The following MAGI1 variants were observed in gnomAD, a reference collection of about 807,000 sequenced individuals.
MAGI1 encodes the protein membrane-associated guanylate kinase, WW and PDZ domain-containing protein 1.
In MAGI1, 58 loss-of-function variants were observed where a neutral mutation model predicts 139.9. The ratio of observed to expected loss-of-function variants is 0.41; its 90% CI spans 0.34 to 0.52. MAGI1 has a LOEUF of 0.52. Ranked by LOEUF, MAGI1 falls within the 20% of genes least tolerant of loss-of-function variation. The pLI, the probability that MAGI1 is intolerant of heterozygous loss-of-function variation, is 0.12. For synonymous variants in MAGI1, 812 were observed against 737.9 expected, an observed-to-expected ratio of 1.10 and a Z score of -1.63; for missense variants, 1,874 against 1,901.6, an observed-to-expected ratio of 0.99 and a Z score of 0.27.
chr3:65,492,383 T>G (rs747866225), intron 3 of MAGI1, among the ~76,000 whole-genome samples: 5 of 152,284 alleles, frequency 3.3e-5, no homozygotes, highest in Non-Finnish European at 5.9e-5. Flanking sequence ...TCCATGTCAT[T>G]CGACTCAGCA....
chr3:65,936,658 A>T (rs1055505571), intron 1 of MAGI1, among the ~76,000 whole-genome samples: 1 of 152,002 alleles, frequency 6.6e-6, no homozygotes, highest in African/African-American at 2.4e-5. Context: ...GGTACATTTT[A>T]ATATGTTAGT....
chr3:65,853,169 GAA>G (rs71102885), intron 1 of MAGI1, among the ~76,000 whole-genome samples: 3 of 140,416 alleles, frequency 2.1e-5, no homozygotes, highest in African/African-American at 5.2e-5. Flanking sequence ...TCCGTCTCAA[GAA>G]AAAAAAAAAA....
At chr3:65,857,570 C>T (rs1168872428) in intron 1 of MAGI1, among the ~76,000 whole-genome samples, 1 of 152,248 alleles carries the variant, frequency 6.6e-6, no homozygotes, top group East Asian at 1.9e-4. Context: ...GCTCAGGCTG[C>T]CTTGGTAGAG....
intron 1 of MAGI1, among the ~76,000 whole-genome samples, chr3:65,861,992 C>T (rs2059571199): frequency 6.6e-6 from 1 of 152,174 alleles, no homozygotes; most frequent in African/African-American, 2.4e-5. Context: ...CATGCCCTGT[C>T]TCTCTAATTG....
chr3:65,969,382 A>G (rs1322623576), intron 1 of MAGI1, among the ~76,000 whole-genome samples: 1 of 152,142 alleles, frequency 6.6e-6, no homozygotes, highest in Admixed American at 6.6e-5. Flanking sequence ...TGCATTGTAG[A>G]ATGTTTATCA....
intron 2 of MAGI1, among the ~76,000 whole-genome samples, chr3:65,561,630 G>C (rs1393771786): frequency 6.6e-6 from 1 of 152,112 alleles, no homozygotes; most frequent in Non-Finnish European, 1.5e-5. Flanking sequence ...CTGAAAAGGA[G>C]TTTTAGAAAT....
intron 1 of MAGI1, among the ~76,000 whole-genome samples, chr3:65,709,750 C>T (rs1211132100): frequency 2.0e-5 from 3 of 152,316 alleles, no homozygotes; most frequent in East Asian, 3.9e-4. Flanking sequence ...CACGTTTTCA[C>T]GTTGCATTTG....
chr3:65,977,277 C>A (rs966334194), intron 1 of MAGI1, among the ~76,000 whole-genome samples: 1 of 152,148 alleles, frequency 6.6e-6, no homozygotes, highest in African/African-American at 2.4e-5. Context: ...GTCACTGTCA[C>A]CCTCAACCTA....
chr3:65,922,305 T>C (rs902998704), intron 1 of MAGI1, among the ~76,000 whole-genome samples: 1 of 152,172 alleles, frequency 6.6e-6, no homozygotes, highest in Non-Finnish European at 1.5e-5. Flanking sequence ...TGGAACCACA[T>C]GTGACCCTAT....
chr3:65,937,457 C>G (rs2063118618), intron 1 of MAGI1, among the ~76,000 whole-genome samples: 1 of 152,080 alleles, frequency 6.6e-6, no homozygotes, highest in South Asian at 2.1e-4. Flanking sequence ...AGGTGGCCCA[C>G]AGGCCCACAG....
intron 2 of MAGI1, among the ~76,000 whole-genome samples, chr3:65,566,829 C>T (rs539977033): frequency 4.0e-4 from 57 of 143,254 alleles, no homozygotes; most frequent in South Asian, 1.1e-3. Context: ...CCTCTCCTGA[C>T]CCGGTGATCC....
chr3:65,712,050 A>G (rs1373133112), intron 1 of MAGI1, among the ~76,000 whole-genome samples: 2 of 152,128 alleles, frequency 1.3e-5, no homozygotes, highest in African/African-American at 4.8e-5. Flanking sequence ...GTTTCTCCAA[A>G]GTGCCTAGCA....
chr3:65,975,105 A>AG (rs397827792), intron 1 of MAGI1, among the ~76,000 whole-genome samples: 3 of 150,358 alleles, frequency 2.0e-5, no homozygotes, highest in African/African-American at 7.3e-5. Flanking sequence ...AAAAAAAAAA[A>AG]CAGTAAATAT....
rs931820105 is a variant in MAGI1, at chr3:65,877,502, A to G, written c.313+160494T>C. On this transcript the variant is annotated intron_variant, in intron 1 of 22. Transcript: ENST00000402939. ...GAGAGGTTCCCCAGAGATGACCTCA[A>G]TTTGAATCCAGAAGAAGACAGCATG... is the stretch of plus-strand genomic sequence containing the variant. Among the ~76,000 whole-genome samples the G allele has an allele frequency of 7.2e-5, 11 of 152,184 alleles. No homozygotes were observed. In the East Asian group the frequency reaches 1.9e-3, roughly 27 times the overall value.
intron 1 of MAGI1, among the ~76,000 whole-genome samples, chr3:65,977,259 A>C (rs778747572): frequency 6.6e-5 from 10 of 152,140 alleles, no homozygotes; most frequent in Non-Finnish European, 1.2e-4. Flanking sequence ...CAACATCATC[A>C]CTTTGTTGTC....
chr3:65,759,222 C>T (rs1029967150), intron 1 of MAGI1, among the ~76,000 whole-genome samples: 3 of 152,104 alleles, frequency 2.0e-5, no homozygotes, highest in Admixed American at 1.3e-4. Context: ...TGATGCCCTC[C>T]TCTAGGACAG....
chr3:65,641,138 G>C (rs1027498570), intron 1 of MAGI1, among the ~76,000 whole-genome samples: 2 of 151,802 alleles, frequency 1.3e-5, no homozygotes, highest in African/African-American at 4.8e-5. Flanking sequence ...TGGTGACTGA[G>C]AGCTATAGTA....
intron 3 of MAGI1, among the ~76,000 whole-genome samples, chr3:65,489,292 G>T (rs1001595431): frequency 3.9e-5 from 6 of 152,100 alleles, no homozygotes; most frequent in African/African-American, 1.4e-4. Context: ...GGTAGTTTTG[G>T]TCTACTGCCC....
intron 1 of MAGI1, among the ~76,000 whole-genome samples, chr3:65,754,421 T>G (rs2036398326): frequency 6.6e-6 from 1 of 152,232 alleles, no homozygotes; most frequent in Non-Finnish European, 1.5e-5. Context: ...GCTCATTTTA[T>G]GCTCACTCAC....
Sources: allele counts gnomAD v4.1 joint callset (sites outside exome capture counted in the v4.1 genomes callset), GRCh38; gene constraint gnomAD v4.1.1; transcripts MANE v1.5; gene names NCBI Gene and HGNC (gene_info 2026-07-23, HGNC 2026-07-21).